HRNR: variants seen among roughly 807,000 people sequenced by gnomAD.
The protein encoded by HRNR is hornerin.
HRNR carries 7 observed loss-of-function variants against 4.8 expected under a neutral mutation model. The observed-to-expected ratio is 1.47, with a 90% CI of 0.83 to 2.75. The LOEUF (loss-of-function observed/expected upper bound fraction) is 2.75, where lower values mean the gene tolerates loss of function less well. Ranked by LOEUF, HRNR falls within the 30% of genes most tolerant of loss-of-function variation. HRNR has a pLI of 0.00. For missense variants in HRNR, 2,879 were observed against 3,010.4 expected (o/e 0.96, Z 1.02); for synonymous variants, 1,023 against 1,242.7 (o/e 0.82, Z 3.72).
Position 152,218,824 on chromosome 1 carries a change from C to T in HRNR, c.2805G>A (p.Lys935=), listed in dbSNP as rs758813243. 2 of 1,612,810 alleles carry T rather than the reference C, an allele frequency of 1.2e-6. No individual in the cohort carries two copies. The highest frequency in any genetic ancestry group is 8.5e-7 in the Non-Finnish European group (1 of 1,179,760). ...AACCAGAGGACTGCCCTGAGCTAGACTTGTGACCAAAGCCAGAAGACTGGC... is the reference window on the plus strand; with the variant it reads ...AACCAGAGGACTGCCCTGAGCTAGATTTGTGACCAAAGCCAGAAGACTGGC... ...GSGQSSGFGH[K]SSSGQSSGYT... is the part of the protein sequence containing the mutation. The change falls in exon 3 of 3, where the codon AAG becomes AAA. Residue 935 remains lysine (K), a synonymous_variant. Coordinates refer to ENST00000368801, the MANE Select transcript of HRNR (RefSeq NM_001009931.3).
rs774895871 is a variant in HRNR, at chr1:152,223,259, T to C, written c.-6A>G. 1.2e-6 allele frequency: 2 copies of C among 1,609,412 alleles called. No individual in the cohort carries two copies. ...CCTTGTAGGAGTTTAGGCATTTTTT[T>C]TTTTGCAAGTTTGAGTAACCTAAAG... is the stretch of plus-strand genomic sequence containing the variant. On this transcript the variant is annotated 5_prime_UTR_variant, in exon 2 of 3. Transcript: ENST00000368801.
In HRNR at chr1:152,219,549, C is replaced by T. The variant is rs138452737; in HGVS notation, c.2080G>A (p.Val694Ile). The change falls in exon 3 of 3, where the codon GTC becomes ATC. Residue 694 changes from valine to isoleucine, a missense_variant. By Grantham distance (29) the Val-to-Ile change is conservative. Around this residue, in one of 8 missense-constraint regions of HRNR, gnomAD observed 2,646 missense variants for 1,377.7 expected, o/e 1.92. Coordinates refer to ENST00000368801, the MANE Select transcript of HRNR (RefSeq NM_001009931.3). ...WSSSNGPHGS[V>I]SGQSSGFGHK... Reference sequence around the variant, plus strand: ...CCAAAGCCGGAAGACTGGCCTGAGACAGACCCATGTGGGCCATTGCTTGAA... The same window carrying T: ...CCAAAGCCGGAAGACTGGCCTGAGATAGACCCATGTGGGCCATTGCTTGAA... The T allele has an allele frequency of 6.2e-6, 10 of 1,613,718 alleles. No homozygotes were observed. The East Asian group carries it at 8.9e-5, about 14-fold the overall frequency.
Position 152,219,668 on chromosome 1 carries a change from G to C in HRNR, c.1961C>G (p.Ser654Cys). ...SQSSRYGQQG[S>C]GSGQSPSRGR... ...GCGACTAGGAGACTGGCCAGATCCAGAGCCCTGTTGGCCATAGCGAGAAGA... is the reference window on the plus strand; with the variant it reads ...GCGACTAGGAGACTGGCCAGATCCACAGCCCTGTTGGCCATAGCGAGAAGA... Residue 654 changes from serine to cysteine, a missense_variant, in exon 3 of 3, where the codon TCT becomes TGT. By Grantham distance (112) the Ser-to-Cys change is moderately radical (BLOSUM62 -1). Coordinates refer to ENST00000368801, the MANE Select transcript of HRNR (RefSeq NM_001009931.3). 6.2e-7 allele frequency: 1 copy of C among 1,613,386 alleles called. No homozygotes were observed. Among genetic ancestry groups the C allele is most frequent in the Non-Finnish European group, 8.5e-7 (1 of 1,179,506 alleles).
At position 152,218,837 on chromosome 1, in the gene HRNR, C is replaced by T. The variant is rs374789977; in HGVS notation, c.2792G>A (p.Gly931Asp). 4.5e-5 allele frequency: 73 copies of T among 1,613,766 alleles called. No homozygotes were observed. The highest frequency in any genetic ancestry group is 3.2e-4 in the Admixed American group (19 of 59,992). Residue 931 changes from glycine (G) to aspartate (D), a missense_variant, in exon 3 of 3, where the codon GGC (glycine) becomes GAC (aspartate). Transcript: ENST00000368801. The stretch of plus-strand genomic sequence containing the variant: ...CCCTGAGCTAGACTTGTGACCAAAG[C>T]CAGAAGACTGGCCTGAGCCAGACCC... ...RHGSGSGQSS[G>D]FGHKSSSGQS...
chr1:152,223,380 AGT>A, intron 1 of HRNR, 102 bp from the exon 2 acceptor site: 2 of 583,614 alleles, frequency 3.4e-6, no homozygotes, highest in Middle Eastern at 4.3e-4. Flanking sequence ...AGAATTAGTC[AGT>A]CATGATTAAA....
In HRNR at chr1:152,219,769, T is replaced by C. The variant is rs1010720727; in HGVS notation, c.1860A>G (p.Ser620=). 1 of 1,613,338 alleles carries C rather than the reference T, an allele frequency of 6.2e-7. No homozygotes were observed. Among genetic ancestry groups the C allele is most frequent in the African/African-American group, 1.3e-5 (1 of 74,816 alleles). ...TAGCTCCATGTTGGCCACAGCTCGA[T>C]GACTGTCCTGATGTAGAACCATGTT... ...HGQHGSTSGQ[S]SSCGQHGATS... The change falls in exon 3 of 3, where the codon TCA becomes TCG. Residue 620 remains serine (S), a synonymous_variant. Coordinates refer to ENST00000368801, the MANE Select transcript of HRNR (RefSeq NM_001009931.3).
chr1:152,213,097 C>G lies in HRNR; in HGVS notation c.8532G>C (p.Gln2844His), dbSNP rs760423812. ...STSPYEYVQE[Q>H]RCYFYQ Reference sequence around the variant, plus strand: ...TTATTCACTGATAAAAGTAGCACCTCTGCTCTTGGACATATTCATAGGGTG... The same window carrying G: ...TTATTCACTGATAAAAGTAGCACCTGTGCTCTTGGACATATTCATAGGGTG... Residue 2844 changes from glutamine (Q) to histidine (H), a missense_variant, in exon 3 of 3, where the codon CAG (glutamine) becomes CAC (histidine). By Grantham distance (24) the Gln-to-His change is conservative (BLOSUM62 0). This residue lies in a region of HRNR where 158 missense variants were observed against 107.6 expected (regional missense o/e 1.47). Coordinates refer to ENST00000368801, the MANE Select transcript of HRNR (RefSeq NM_001009931.3). The G allele has an allele frequency of 1.2e-6, 2 of 1,613,656 alleles. No individual in the cohort carries two copies. The highest frequency in any genetic ancestry group is 1.1e-5 in the South Asian group (1 of 91,036).
Position 152,213,017 on chromosome 1 carries a change from T to G in HRNR, c.*59A>C. 2 of 1,557,232 alleles carry G rather than the reference T, an allele frequency of 1.3e-6. No homozygotes were observed. Among genetic ancestry groups the G allele is most frequent in the Non-Finnish European group, 1.7e-6 (2 of 1,153,288 alleles). On this transcript the variant is annotated 3_prime_UTR_variant, in exon 3 of 3. Coordinates refer to ENST00000368801, the MANE Select transcript of HRNR (RefSeq NM_001009931.3). ...TTGCTTGTCTTTCATGATGAATTCA[T>G]AGATGACTTTCCTATTTCTTAAATT...
chr1:152,223,218 G>C lies in HRNR; in HGVS notation c.36C>G (p.Ile12Met). The change falls in exon 2 of 3, where the codon ATC becomes ATG. Residue 12 changes from isoleucine to methionine, a missense_variant. By Grantham distance (10) the Ile-to-Met change is conservative (BLOSUM62 1). Coordinates refer to ENST00000368801, the MANE Select transcript of HRNR (RefSeq NM_001009931.3). Reference protein sequence around the residue: ...PKLLQGVITVIDVFYQYATQH... With the variant: ...PKLLQGVITVMDVFYQYATQH... ...GGGTGGCATATTGGTAGAAAACATCGATGACAGTGATGACGCCTTGTAGGA... is the reference window on the plus strand; with the variant it reads ...GGGTGGCATATTGGTAGAAAACATCCATGACAGTGATGACGCCTTGTAGGA... 1 of 1,612,590 alleles carries C rather than the reference G, an allele frequency of 6.2e-7. No individual in the cohort carries two copies. The highest frequency in any genetic ancestry group is 2.2e-5 in the East Asian group (1 of 44,790).
chr1:152,219,189 C>T lies in HRNR; in HGVS notation c.2440G>A (p.Ala814Thr), dbSNP rs754258783. The stretch of plus-strand genomic sequence containing the variant: ...GACTCGTGTTGCCCAAAACCAGAAG[C>T]CTGGCCTGAGCCAGACTCATAATGG... ...CGHYESGSGQ[A>T]SGFGQHESGS... The change falls in exon 3 of 3, where the codon GCT becomes ACT. Residue 814 changes from alanine (A) to threonine (T), a missense_variant. Ala to Thr is a moderately conservative substitution (Grantham distance 58). Transcript: ENST00000368801. 5.6e-6 allele frequency: 9 copies of T among 1,612,358 alleles called. No homozygotes were observed. In the South Asian group the frequency reaches 6.6e-5, roughly 12 times the overall value.
chr1:152,223,024 T>C, intron 2 of HRNR, 92 bp downstream of exon 2: 1 of 1,302,308 alleles, frequency 7.7e-7, no homozygotes, highest in South Asian at 1.3e-5. Context: ...GTAAGGACAA[T>C]CCTCTAGGAT....
rs773155149 is a variant in HRNR, at chr1:152,219,625, A to T, written c.2004T>A (p.Asp668Glu). ...GGCCGTAGCTGGAAGAGTGCCCAAA[A>T]TCGGACCCATGTCGGCCGCGACTAG... ...QSPSRGRHGSDFGHSSSYGQH... is the reference protein window; with the variant it reads ...QSPSRGRHGSEFGHSSSYGQH... The change falls in exon 3 of 3, where the codon GAT becomes GAA. Residue 668 changes from aspartate (D) to glutamate (E), a missense_variant. Physicochemically the swap from Asp to Glu is conservative, Grantham distance 45 (BLOSUM62 2). This residue lies in a region of HRNR where 2,646 missense variants were observed against 1,377.7 expected (regional missense o/e 1.92). Coordinates refer to ENST00000368801, the MANE Select transcript of HRNR (RefSeq NM_001009931.3). The T allele has an allele frequency of 6.2e-7, 1 of 1,609,126 alleles. No individual in the cohort carries two copies. The highest frequency in any genetic ancestry group is 2.2e-5 in the East Asian group (1 of 44,536).
Position 152,213,028 on chromosome 1 carries a change from C to T in HRNR, c.*48G>A, listed in dbSNP as rs752466569. 1.2e-5 allele frequency: 19 copies of T among 1,568,804 alleles called. No individual in the cohort carries two copies. The highest frequency in any genetic ancestry group is 1.5e-5 in the Non-Finnish European group (17 of 1,158,816). On this transcript the variant is annotated 3_prime_UTR_variant, in exon 3 of 3. Coordinates refer to ENST00000368801, the MANE Select transcript of HRNR (RefSeq NM_001009931.3). ...TCATGATGAATTCATAGATGACTTT[C>T]CTATTTCTTAAATTGCTACTTGAGT...
At position 152,220,964 on chromosome 1, in the gene HRNR, C is replaced by A; in HGVS notation, c.665G>T (p.Gly222Val). Residue 222 changes from glycine to valine, a missense_variant, in exon 3 of 3, where the codon GGG becomes GTG. Coordinates refer to ENST00000368801, the MANE Select transcript of HRNR (RefSeq NM_001009931.3). ...SGQSSSNDTH[G>V]SGSGQSSGFS... ...GCCAGAAGACTGGCCTGAGCCAGAC[C>A]CATGTGTGTCATTGCTGGAAGACTG... is the stretch of plus-strand genomic sequence containing the variant. 1.9e-6 allele frequency: 3 copies of A among 1,614,060 alleles called. No homozygotes were observed. Among genetic ancestry groups the A allele is most frequent in the Non-Finnish European group, 2.5e-6 (3 of 1,179,998 alleles).
Position 152,218,458 on chromosome 1 carries a change from T to G in HRNR, c.3171A>C (p.Ser1057=). The G allele has an allele frequency of 1.2e-6, 2 of 1,613,796 alleles. No homozygotes were observed. The highest frequency in any genetic ancestry group is 1.7e-6 in the Non-Finnish European group (2 of 1,179,998). Reference sequence around the variant, plus strand: ...GTTGACCGTAGCCAGAGGACTGTCCTGAGCGAGACTCTCGGTGACCTAAGC... The same window carrying G: ...GTTGACCGTAGCCAGAGGACTGTCCGGAGCGAGACTCTCGGTGACCTAAGC... The part of the protein sequence containing the change: ...SSGLGHRESR[S]GQSSGYGQHG... The change falls in exon 3 of 3, where the codon TCA becomes TCC. Residue 1057 remains serine (S), a synonymous_variant. Coordinates refer to ENST00000368801, the MANE Select transcript of HRNR (RefSeq NM_001009931.3).
Position 152,223,252 on chromosome 1 carries a change from ATTT to A in HRNR, c.-2_1del, listed in dbSNP as rs34061715. On this transcript the variant is annotated start_lost and start_retained_variant and 5_prime_UTR_variant, in exon 2 of 3. Coordinates refer to ENST00000368801, the MANE Select transcript of HRNR (RefSeq NM_001009931.3). ...GATGACGCCTTGTAGGAGTTTAGGC[ATTT>A]TTTTTTTTGCAAGTTTGAGTAACCT... is the stretch of plus-strand genomic sequence containing the variant. The A allele has an allele frequency of 3.6e-6, 5 of 1,390,124 alleles. No individual in the cohort carries two copies. Among genetic ancestry groups the A allele is most frequent in the South Asian group, 2.7e-5 (2 of 73,838 alleles). The allele number at this position is 1,390,124 out of a possible 1,614,324, so 86.1% of individuals were successfully genotyped here.
At chr1:152,223,327 G>T (rs1374215128) in intron 1 of HRNR, 49 bp from the exon 2 acceptor site, 5 of 1,101,260 alleles carry the variant, frequency 4.5e-6, no homozygotes, top group Non-Finnish European at 5.3e-6. Context: ...CTTATTTCTT[G>T]TTTAAACACA....
chr1:152,220,650 A>T lies in HRNR; in HGVS notation c.979T>A (p.Ser327Thr). The T allele has an allele frequency of 6.2e-7, 1 of 1,611,642 alleles. No homozygotes were observed. Among genetic ancestry groups the T allele is most frequent in the Non-Finnish European group, 8.5e-7 (1 of 1,178,536 alleles). Reference sequence around the variant, plus strand: ...CGGCTGTAAGAGTAACTTGAGCCAGACCCGTGTTGGCCGTGGCTGGAGGAG... The same window carrying T: ...CGGCTGTAAGAGTAACTTGAGCCAGTCCCGTGTTGGCCGTGGCTGGAGGAG... ...GHSSSHGQHG[S>T]GSSYSYSRGH... The change falls in exon 3 of 3, where the codon TCT (serine) becomes ACT (threonine). Residue 327 changes from serine to threonine, a missense_variant. Ser to Thr is a moderately conservative substitution (Grantham distance 58). This residue lies in a region of HRNR where 2,646 missense variants were observed against 1,377.7 expected (regional missense o/e 1.92). Transcript: ENST00000368801.
At position 152,213,164 on chromosome 1, in the gene HRNR, C is replaced by A. The variant is rs751655859; in HGVS notation, c.8465G>T (p.Gly2822Val). ...YCKGGSNHDGGSSGSYFLSFP... is the reference protein window; with the variant it reads ...YCKGGSNHDGVSSGSYFLSFP... The stretch of plus-strand genomic sequence containing the variant: ...ACTGAGAAAATATGAGCCAGAACTT[C>A]CCCCATCATGGTTACTTCCTCCTTT... Residue 2822 changes from glycine (G) to valine (V), a missense_variant, in exon 3 of 3, where the codon GGA (glycine) becomes GTA (valine). Physicochemically the swap from Gly to Val is moderately radical, Grantham distance 109 (BLOSUM62 -3). Transcript: ENST00000368801. The A allele has an allele frequency of 3.1e-6, 5 of 1,613,932 alleles. No individual in the cohort carries two copies. In the Admixed American group the frequency reaches 5.0e-5, roughly 16 times the overall value.
Sources: allele counts gnomAD v4.1 joint callset, GRCh38; gene constraint gnomAD v4.1.1; regional missense constraint gnomAD v4.1.1; transcripts MANE v1.5; gene names NCBI Gene and HGNC (gene_info 2026-07-23, HGNC 2026-07-21).